NRG1: variants seen among roughly 807,000 people sequenced by gnomAD.
The protein encoded by NRG1 is neuregulin 1.
NRG1 carries 18 observed loss-of-function variants against 63.8 expected under a neutral mutation model. That is an observed-to-expected ratio of 0.28 (90% CI 0.19 to 0.42). The LOEUF is 0.42. Ranked by LOEUF, NRG1 falls within the 10% of genes least tolerant of loss-of-function variation. The pLI is 1.00. For synonymous variants in NRG1, 302 were observed against 301.3 expected, an observed-to-expected ratio of 1.00 and a Z score of -0.02; for missense variants, 762 against 814.7, an observed-to-expected ratio of 0.94 and a Z score of 0.79.
At chr8:32,486,627 A>AATTT (rs71208187) in intron 1 of NRG1, among the ~76,000 whole-genome samples, 87,761 of 145,246 alleles carry the variant, frequency 0.6, 26,606 homozygotes, top group East Asian at 0.77. Context: ...GAATTGCTGG[A>AATTT]TTTTTTTTTT....
chr8:32,285,464 A>G lies in NRG1; in HGVS notation c.38-310364A>G, dbSNP rs565227140. Among the ~76,000 whole-genome samples, 7 of 152,326 alleles carry G rather than the reference A, an allele frequency of 4.6e-5. No homozygotes were observed. The East Asian group carries it at 9.7e-4, about 21-fold the overall frequency. On this transcript the variant is annotated intron_variant, in intron 1 of 10. Transcript: ENST00000519301. Reference sequence around the variant, plus strand: ...TCAGTGATTATCTGGGAGTCCAGGCATCCAAGGGACTTGACCAAGTTTTTG... The same window carrying G: ...TCAGTGATTATCTGGGAGTCCAGGCGTCCAAGGGACTTGACCAAGTTTTTG...
intron 1 of NRG1, among the ~76,000 whole-genome samples, chr8:32,309,300 C>A (rs984633): frequency 0.11 from 16,458 of 152,140 alleles, 1,136 homozygotes; most frequent in Middle Eastern, 0.15. Context: ...CGCTTATGTG[C>A]CTGTGGTTTT....
chr8:31,917,121 A>C (rs4327825), intron 1 of NRG1, among the ~76,000 whole-genome samples: 1 of 98,856 alleles, frequency 1.0e-5, no homozygotes, highest in African/African-American at 3.7e-5. Context: ...TGTCAGATGA[A>C]TAGGTTGCGA....
At chr8:31,706,288 C>G (rs1368833255) in intron 1 of NRG1, among the ~76,000 whole-genome samples, 1 of 152,028 alleles carries the variant, frequency 6.6e-6, no homozygotes, top group Non-Finnish European at 1.5e-5. Context: ...CTACTTTTTA[C>G]AAAAAATGTA....
chr8:31,900,226 T>C (rs1440417643), intron 1 of NRG1, among the ~76,000 whole-genome samples: 1 of 152,168 alleles, frequency 6.6e-6, no homozygotes, highest in Non-Finnish European at 1.5e-5. Flanking sequence ...GTAATTAACA[T>C]TAACATTCAC....
intron 1 of NRG1, among the ~76,000 whole-genome samples, chr8:31,709,011 T>A (rs1022896968): frequency 5.3e-5 from 8 of 152,170 alleles, no homozygotes; most frequent in East Asian, 1.9e-4. Context: ...ACACACGTTT[T>A]TCTTAAATTT....
In NRG1 at chr8:31,649,122, G is replaced by C. The variant is rs372921532; in HGVS notation, c.37+9691G>C. 2.6e-5 allele frequency among the ~76,000 whole-genome samples: 4 copies of C among 152,022 alleles called. No individual in the cohort carries two copies. In the East Asian group the frequency reaches 7.8e-4, roughly 30 times the overall value. On this transcript the variant is annotated intron_variant, in intron 1 of 10. Transcript: ENST00000519301. ...TACAGGTGCATGCCACCATGCCTAA[G>C]TTTTGTATTTTTAGTAAAAATGGGG...
intron 1 of NRG1, among the ~76,000 whole-genome samples, chr8:32,395,069 C>T (rs1812267664): frequency 6.6e-6 from 1 of 152,148 alleles, no homozygotes; most frequent in African/African-American, 2.4e-5. Context: ...ACCTGAGGAT[C>T]GTCCTCAATT....
intron 1 of NRG1, among the ~76,000 whole-genome samples, chr8:32,011,565 T>G (rs1814765358): frequency 6.6e-6 from 1 of 152,098 alleles, no homozygotes; most frequent in South Asian, 2.1e-4. Context: ...ACAATTATTG[T>G]TTTTGGTCAA....
At chr8:31,649,919 A>G (rs2130873842) in intron 1 of NRG1, among the ~76,000 whole-genome samples, 1 of 152,272 alleles carries the variant, frequency 6.6e-6, no homozygotes, top group Admixed American at 6.5e-5. Flanking sequence ...ATTCCTGTCC[A>G]TTGCCCCAAT....
intron 1 of NRG1, among the ~76,000 whole-genome samples, chr8:32,489,199 A>G (rs557488289): frequency 6.6e-6 from 1 of 152,166 alleles, no homozygotes; most frequent in Admixed American, 6.5e-5. Context: ...AGTGCTTGGG[A>G]AGTGAGCATG....
At chr8:32,561,541 A>G (rs1430348748) in intron 1 of NRG1, among the ~76,000 whole-genome samples, 2 of 152,204 alleles carry the variant, frequency 1.3e-5, no homozygotes, top group African/African-American at 4.8e-5. Flanking sequence ...TTTAGCACCA[A>G]TGCCTTTATG....
chr8:32,266,967 T>G (rs1249395003), intron 1 of NRG1, among the ~76,000 whole-genome samples: 6 of 151,286 alleles, frequency 4.0e-5, no homozygotes, highest in Non-Finnish European at 8.8e-5. Flanking sequence ...GAGAATCACT[T>G]GAACCTGGGA....
At chr8:32,197,825 C>T (rs1322132522) in intron 1 of NRG1, among the ~76,000 whole-genome samples, 4 of 152,174 alleles carry the variant, frequency 2.6e-5, no homozygotes, top group African/African-American at 9.7e-5. Flanking sequence ...TTTGAACTTG[C>T]AAAGCCTTCT....
chr8:32,586,522 A>T lies in NRG1; in HGVS notation c.101-9306A>T, dbSNP rs572371641. On this transcript the variant is annotated intron_variant, in intron 1 of 11. Coordinates refer to ENST00000356819, the Ensembl canonical transcript of NRG1. Reference sequence around the variant, plus strand: ...GATTTGGTTTACATAGCTCATTATAAGAACAAAAAATTTACTGTAGTGGCT... The same window carrying T: ...GATTTGGTTTACATAGCTCATTATATGAACAAAAAATTTACTGTAGTGGCT... Among the ~76,000 whole-genome samples the T allele has an allele frequency of 4.0e-3, 602 of 152,288 alleles. 1 individual carries two copies. The highest frequency in any genetic ancestry group is 0.02 in the Middle Eastern group (6 of 294).
At chr8:31,867,400 T>C (rs2129611139) in intron 1 of NRG1, among the ~76,000 whole-genome samples, 1 of 152,342 alleles carries the variant, frequency 6.6e-6, no homozygotes, top group Non-Finnish European at 1.5e-5. Flanking sequence ...TTCAGAGTTG[T>C]TTAATTTTTC....
intron 1 of NRG1, among the ~76,000 whole-genome samples, chr8:32,053,497 C>T (rs1220343350): frequency 1.3e-5 from 2 of 152,154 alleles, no homozygotes; most frequent in Non-Finnish European, 2.9e-5. Context: ...ATGGACTTAA[C>T]AACCAGGATG....
intron 1 of NRG1, among the ~76,000 whole-genome samples, chr8:32,157,907 T>G (rs2131880296): frequency 6.6e-6 from 1 of 152,204 alleles, no homozygotes; most frequent in South Asian, 2.1e-4. Context: ...ACGGCACGGC[T>G]TCTTTCTCAA....
chr8:32,637,211 T>G (rs1295221518), intron 5 of NRG1, among the ~76,000 whole-genome samples: 1 of 151,458 alleles, frequency 6.6e-6, no homozygotes, highest in Non-Finnish European at 1.5e-5. Flanking sequence ...GCTTACTGAG[T>G]GTCTACCCAT....
Sources: allele counts gnomAD v4.1 joint callset (sites outside exome capture counted in the v4.1 genomes callset), GRCh38; gene constraint gnomAD v4.1.1; transcripts MANE v1.5; gene names NCBI Gene and HGNC (gene_info 2026-07-23, HGNC 2026-07-21).